The following UBXN11 variants were observed in gnomAD, a reference collection of about 807,000 sequenced individuals.
UBXN11 encodes UBX domain protein 11.
A neutral mutation model predicts 62.8 loss-of-function variants in UBXN11; 47 were observed. That is an observed-to-expected ratio of 0.75 (90% confidence interval 0.59 to 0.95). UBXN11 has a LOEUF of 0.95. UBXN11 is among the 40% of genes least tolerant of loss of function. The pLI is 0.00. For missense variants in UBXN11, 638 were observed against 661.7 expected, an observed-to-expected ratio of 0.96 and a Z score of 0.39; for synonymous variants, 294 against 267.0, an observed-to-expected ratio of 1.10 and a Z score of -0.99.
chr1:26,285,410 A>G, intron 10 of UBXN11, 54 bp downstream of exon 10: 1 of 1,585,898 alleles, frequency 6.3e-7, no homozygotes, highest in Non-Finnish European at 8.6e-7. Flanking sequence ...GAGGCTGTGT[A>G]TCCCCACTCC....
chr1:26,288,007 A>G (rs558565280), intron 8 of UBXN11, among the ~76,000 whole-genome samples: 1 of 150,682 alleles, frequency 6.6e-6, no homozygotes, highest in Admixed American at 6.6e-5. Context: ...GGTTCAACTT[A>G]TCCTCCCACC....
chr1:26,303,074 T>G (rs2073578577), intron 1 of UBXN11, 156 bp from the exon 2 acceptor site: 1 of 534,050 alleles, frequency 1.9e-6, no homozygotes, highest in Non-Finnish European at 3.4e-6. Flanking sequence ...CCACAGAGGT[T>G]TCTGGAAGTT....
At chr1:26,312,893 C>T (rs765408356) in intron 1 of UBXN11, among the ~76,000 whole-genome samples, 1 of 135,192 alleles carries the variant, frequency 7.4e-6, no homozygotes, top group Admixed American at 8.4e-5. Context: ...GCAGGAGAAT[C>T]GCTTGAACCT....
At chr1:26,296,827 A>T (rs894199957) in intron 7 of UBXN11, 92 bp downstream of exon 7, 5 of 1,321,106 alleles carry the variant, frequency 3.8e-6, no homozygotes, top group Non-Finnish European at 5.2e-6. Flanking sequence ...AGAGGCCCAG[A>T]GAGGTGGGCT....
At chr1:26,307,021 C>A (rs2073686233), upstream of UBXN11, 1 of 152,208 alleles carries the variant, frequency 6.6e-6, no homozygotes, top group Non-Finnish European at 1.5e-5. Context: ...AGTATTGTAA[C>A]ACGAAGTACT....
intron 1 of UBXN11, among the ~76,000 whole-genome samples, chr1:26,316,550 T>C (rs1407997236): frequency 1.3e-5 from 2 of 151,484 alleles, no homozygotes; most frequent in African/African-American, 4.9e-5. Flanking sequence ...GCCCCAGAGG[T>C]TACATACATG....
At chr1:26,307,909 T>G (rs1263311467), upstream of UBXN11, among the ~76,000 whole-genome samples, 2 of 152,050 alleles carry the variant, frequency 1.3e-5, no homozygotes, top group Admixed American at 6.6e-5. Context: ...ATTCTTTATA[T>G]GCAAATTGGA....
In UBXN11 at chr1:26,318,046, C is replaced by T. The variant is rs77928789; in HGVS notation, c.-149+1G>A. On this transcript the variant is annotated splice_donor_variant, in intron 1 of 14. Transcript: ENST00000374217. LOFTEE classifies it low-confidence loss of function (5UTR_SPLICE). ...AAGCGCTTCCTCTTCCTCCTACTCA[C>T]CATCAGCCTCCTGGTTATGGTACAG... 5.0e-6 allele frequency: 8 copies of T among 1,614,070 alleles called. No individual in the cohort carries two copies. Among genetic ancestry groups the T allele is most frequent in the Non-Finnish European group, 6.8e-6 (8 of 1,180,008 alleles).
intron 8 of UBXN11, among the ~76,000 whole-genome samples, chr1:26,293,535 G>A (rs956671727): frequency 6.6e-6 from 1 of 151,884 alleles, no homozygotes; most frequent in Non-Finnish European, 1.5e-5. Context: ...AGACCAGCCT[G>A]GCCAACATGG....
rs1201873532 is a variant in UBXN11 at position 26,300,726 on chromosome 1, G to GGGCCTC, written c.199+194_199+199dup. ...CTGGCCTGGGGCTGGGGCTGGGGCT[G>GGGCCTC]GGCCTCGGCCTCCTGAGCTAAGGGT... On this transcript the variant is annotated intron_variant, in intron 4 of 14. Transcript: ENST00000374222. Among the ~76,000 whole-genome samples the GGGCCTC allele has an allele frequency of 2.6e-5, 4 of 152,292 alleles. No individual in the cohort carries two copies. The East Asian group carries it at 5.8e-4, about 22-fold the overall frequency.
chr1:26,286,559 C>T (rs1428989393), intron 8 of UBXN11, among the ~76,000 whole-genome samples: 2 of 150,798 alleles, frequency 1.3e-5, no homozygotes, highest in Non-Finnish European at 3.0e-5. Flanking sequence ...TATCTGCCTC[C>T]TAGGATGGCT....
At chr1:26,292,626 C>T (rs1281078363) in intron 8 of UBXN11, among the ~76,000 whole-genome samples, 4 of 152,038 alleles carry the variant, frequency 2.6e-5, no homozygotes, top group Non-Finnish European at 5.9e-5. Context: ...GATGCCGAGG[C>T]GGGAAGATCA....
At chr1:26,308,336 C>T (rs555066581), upstream of UBXN11, among the ~76,000 whole-genome samples, 3 of 151,830 alleles carry the variant, frequency 2.0e-5, no homozygotes, top group East Asian at 1.9e-4. Context: ...GGTAGTACAG[C>T]GGCTTGCATA....
At chr1:26,318,182 C>A in exon 1 of UBXN11, 1 of 896,266 alleles carries the variant, frequency 1.1e-6, no homozygotes, top group Non-Finnish European at 1.8e-6. Context: ...CCTGAGAGCA[C>A]AGCAGATGGA....
upstream of UBXN11, among the ~76,000 whole-genome samples, chr1:26,308,005 G>A (rs186337406): frequency 2.0e-5 from 3 of 152,260 alleles, no homozygotes; most frequent in African/African-American, 4.8e-5. Context: ...GGTGGTTCAC[G>A]CCTGTAATCC....
In UBXN11 at chr1:26,297,968, C is replaced by CAGT. The variant is rs753173384; in HGVS notation, c.291_293dup (p.Leu98dup). 3.1e-6 allele frequency: 5 copies of CAGT among 1,613,646 alleles called. No individual in the cohort carries two copies. In the African/African-American group the frequency reaches 6.7e-5, roughly 22 times the overall value. ...CTCCCACCTGGAGCCCCACCTTGGA[C>CAGT]AGTATCTCATCAGTCTGGGCCTTCA... On this transcript the variant is annotated inframe_insertion, in exon 5 of 15. Transcript: ENST00000374222.
chr1:26,311,979 A>T (rs563665723), intron 1 of UBXN11, among the ~76,000 whole-genome samples: 11 of 152,258 alleles, frequency 7.2e-5, no homozygotes, highest in African/African-American at 2.6e-4. Flanking sequence ...CGAAGCCCTC[A>T]TCATCTACAG....
intron 1 of UBXN11, among the ~76,000 whole-genome samples, chr1:26,312,117 T>C (rs551673406): frequency 4.6e-5 from 7 of 152,272 alleles, no homozygotes; most frequent in Non-Finnish European, 8.8e-5. Context: ...CTTTTCCATT[T>C]GGGAAAATTC....
Position 26,282,461 on chromosome 1 carries a change from C to T in UBXN11, c.1401G>A (p.Leu467=), listed in dbSNP as rs774337129. The T allele has an allele frequency of 7.5e-6, 12 of 1,607,698 alleles. No homozygotes were observed. In the East Asian group the frequency reaches 2.3e-4, roughly 31 times the overall value. ...TCGGGGCTCGGCGTGCCCGCAGCAG[C>T]AGTGCTGCTTTGGGCACAAGGCCTG... ...QAAGLVPKAA[L]LLRARRAPKS... Residue 467 remains leucine (L), a synonymous_variant, in exon 15 of 15, where the codon CTG becomes CTA. Coordinates refer to ENST00000374222, the MANE Select transcript of UBXN11 (RefSeq NM_001389556.1).
Sources: allele counts gnomAD v4.1 joint callset (sites outside exome capture counted in the v4.1 genomes callset), GRCh38; gene constraint gnomAD v4.1.1; transcripts MANE v1.5; gene names NCBI Gene and HGNC (gene_info 2026-07-23, HGNC 2026-07-21).